The following VWA3B variants were observed in gnomAD, a reference collection of about 807,000 sequenced individuals.
VWA3B encodes the protein von Willebrand factor A domain containing 3B.
VWA3B carries 138 observed loss-of-function variants against 158.3 expected under a neutral mutation model. The ratio of observed to expected loss-of-function variants is 0.87; its 90% CI spans 0.76 to 1.00. The LOEUF is 1.00. Among genes scored for constraint, VWA3B ranks in the 50% least tolerant of loss-of-function variants. The probability of loss-of-function intolerance (pLI) is 0.00; values close to 1 mark genes in which losing one functional copy is unlikely to be tolerated. For synonymous variants in VWA3B, 596 were observed against 587.3 expected (o/e 1.01, Z -0.21); for missense variants, 1,555 against 1,565.1 (o/e 0.99, Z 0.11).
chr2:98,253,066 G>C (rs1686902270), intron 20 of VWA3B, among the ~76,000 whole-genome samples: 3 of 152,046 alleles, frequency 2.0e-5, no homozygotes, highest in African/African-American at 7.3e-5. Flanking sequence ...AATATTAATA[G>C]TAACATGAAT....
chr2:98,153,089 C>T (rs1382938662), intron 7 of VWA3B, among the ~76,000 whole-genome samples: 1 of 152,184 alleles, frequency 6.6e-6, no homozygotes, highest in Non-Finnish European at 1.5e-5. Flanking sequence ...TCCATCATTG[C>T]TCTCGTCTCT....
chr2:98,269,006 G>A (rs182890282), intron 21 of VWA3B, among the ~76,000 whole-genome samples: 20 of 152,148 alleles, frequency 1.3e-4, no homozygotes, highest in African/African-American at 3.9e-4. Flanking sequence ...ACAAGAAGGG[G>A]GGCAAATGAC....
chr2:98,106,516 C>T (rs548599554), intron 2 of VWA3B, among the ~76,000 whole-genome samples: 4 of 152,186 alleles, frequency 2.6e-5, no homozygotes, highest in South Asian at 4.2e-4. Flanking sequence ...TTTCAGTTCA[C>T]GAATATGAAA....
At position 98,150,440 on chromosome 2, in the gene VWA3B, A is replaced by G. The variant is rs557232940; in HGVS notation, c.989-12411A>G. 1.2e-4 allele frequency among the ~76,000 whole-genome samples: 18 copies of G among 152,318 alleles called. No individual in the cohort carries two copies. In the South Asian group the frequency reaches 3.3e-3, roughly 28 times the overall value. On this transcript the variant is annotated intron_variant, in intron 7 of 27. Transcript: ENST00000477737. ...AGTTCGTGGTCATTCTTCTTTGACT[A>G]TAAAGAATATGAAGGCAGAGGACAG... is the stretch of plus-strand genomic sequence containing the variant.
chr2:98,157,077 T>C (rs575521041), intron 7 of VWA3B, among the ~76,000 whole-genome samples: 5 of 152,314 alleles, frequency 3.3e-5, no homozygotes, highest in African/African-American at 1.2e-4. Flanking sequence ...ACAATTAGAC[T>C]GCATTACATT....
At chr2:98,203,470 C>T (rs1373379711) in intron 12 of VWA3B, among the ~76,000 whole-genome samples, 1 of 152,180 alleles carries the variant, frequency 6.6e-6, no homozygotes, top group Non-Finnish European at 1.5e-5. Flanking sequence ...TATTGAAAAC[C>T]TTGCTGACAT....
chr2:98,194,320 T>A, intron 11 of VWA3B, 41 bp from the exon 12 acceptor site: 1 of 1,598,700 alleles, frequency 6.3e-7, no homozygotes, highest in South Asian at 1.1e-5. Flanking sequence ...CTTTCTAACA[T>A]CTGAGTGGTT....
chr2:98,220,813 C>T (rs1684428577), intron 14 of VWA3B, among the ~76,000 whole-genome samples: 1 of 152,116 alleles, frequency 6.6e-6, no homozygotes, highest in Non-Finnish European at 1.5e-5. Context: ...AGATCGTGTC[C>T]TTTTCAGGGA....
At chr2:98,133,215 C>A (rs1001408152) in intron 6 of VWA3B, among the ~76,000 whole-genome samples, 3 of 152,130 alleles carry the variant, frequency 2.0e-5, no homozygotes, top group African/African-American at 7.2e-5. Flanking sequence ...TGGGTGGGGG[C>A]CTGGGAGTGT....
At chr2:98,218,692 G>C (rs190377087) in intron 14 of VWA3B, among the ~76,000 whole-genome samples, 1 of 152,188 alleles carries the variant, frequency 6.6e-6, no homozygotes, top group Non-Finnish European at 1.5e-5. Flanking sequence ...CCCTTCTAGG[G>C]TGTGTGTTTT....
At chr2:98,160,841 C>T (rs972778309) in intron 7 of VWA3B, among the ~76,000 whole-genome samples, 10 of 152,324 alleles carry the variant, frequency 6.6e-5, no homozygotes, top group East Asian at 3.9e-4. Flanking sequence ...CCATGGTAGC[C>T]GTCCGTCTCT....
chr2:98,295,168 G>A (rs908585493), intron 23 of VWA3B, among the ~76,000 whole-genome samples: 2 of 152,128 alleles, frequency 1.3e-5, no homozygotes, highest in African/African-American at 4.8e-5. Context: ...CACGAGGACT[G>A]TGAAGGATGA....
At chr2:98,147,870 G>T (rs1388429199) in intron 7 of VWA3B, among the ~76,000 whole-genome samples, 2 of 128,350 alleles carry the variant, frequency 1.6e-5, no homozygotes, top group Non-Finnish European at 3.3e-5. Context: ...CCCACGACAG[G>T]CCCCTGTGTG....
chr2:98,165,827 G>A (rs191895205), intron 8 of VWA3B, among the ~76,000 whole-genome samples: 131 of 152,142 alleles, frequency 8.6e-4, no homozygotes, highest in Non-Finnish European at 2.8e-4. Flanking sequence ...ACACCCACTC[G>A]AAAACCCAGA....
intron 1 of VWA3B, among the ~76,000 whole-genome samples, chr2:98,091,374 T>C (rs1682281469): frequency 6.6e-6 from 1 of 152,188 alleles, no homozygotes; most frequent in African/African-American, 2.4e-5. Flanking sequence ...GAAGAAGCTG[T>C]GAGCTAGTGC....
intron 26 of VWA3B, among the ~76,000 whole-genome samples, chr2:98,304,528 G>A (rs148023500): frequency 6.6e-6 from 1 of 152,228 alleles, no homozygotes; most frequent in East Asian, 1.9e-4. Flanking sequence ...TCTCCTAATG[G>A]CCTTACCTTC....
rs940148831 is a variant in VWA3B at position 98,215,531 on chromosome 2, T to C, written c.1837-2315T>C. Among the ~76,000 whole-genome samples the C allele has an allele frequency of 2.0e-5, 3 of 152,022 alleles. No homozygotes were observed. In the East Asian group the frequency reaches 5.8e-4, roughly 30 times the overall value. ...TAATTTCGAAACTCTTTTTTTCTTT[T>C]CTTTGAGACAGAGTCTGGCTCTGTC... On this transcript the variant is annotated intron_variant, in intron 13 of 27. Transcript: ENST00000477737.
chr2:98,127,963 T>G (rs376255101), intron 5 of VWA3B, among the ~76,000 whole-genome samples: 13 of 152,270 alleles, frequency 8.5e-5, no homozygotes, highest in Middle Eastern at 3.4e-3. Context: ...TGCGATATAT[T>G]TGTGGCCCAG....
chr2:98,277,637 G>A (rs906801624), intron 22 of VWA3B, among the ~76,000 whole-genome samples: 3 of 152,216 alleles, frequency 2.0e-5, no homozygotes, highest in Non-Finnish European at 4.4e-5. Context: ...TGGCAAGGAA[G>A]CTGGAGCCTA....
Sources: gnomAD v4.1 joint callset for allele counts (sites outside exome capture counted in the v4.1 genomes callset) on GRCh38, gnomAD v4.1.1 for gene constraint, MANE v1.5 for transcripts, NCBI Gene and HGNC (gene_info 2026-07-23, HGNC 2026-07-21) for gene names.